Variants in TMC1 observed in about 807,000 individuals in gnomAD.
The protein encoded by TMC1 is transmembrane channel like 1, also known as transmembrane channel-like protein 1.
A neutral mutation model predicts 105.8 loss-of-function variants in TMC1; 84 were observed. That is an observed-to-expected ratio of 0.79 (90% CI 0.67 to 0.95). The LOEUF (loss-of-function observed/expected upper bound fraction) is 0.95. Among genes scored for constraint, TMC1 ranks in the 40% least tolerant of loss-of-function variants. The pLI is 0.00. For missense variants in TMC1, 817 were observed against 914.1 expected (o/e 0.89, Z 1.37); for synonymous variants, 315 against 311.5 (o/e 1.01, Z -0.12).
intron 8 of TMC1, among the ~76,000 whole-genome samples, chr9:72,732,162 T>A (rs1827221637): frequency 6.6e-6 from 1 of 152,210 alleles, no homozygotes; most frequent in Non-Finnish European, 1.5e-5. Flanking sequence ...GCCTAGTCTT[T>A]GATCATTGAT....
chr9:72,644,651 G>T (rs1413377856), intron 4 of TMC1, among the ~76,000 whole-genome samples: 1 of 152,080 alleles, frequency 6.6e-6, no homozygotes, highest in African/African-American at 2.4e-5. Context: ...CCTGATAACT[G>T]TAGTTAATAA....
intron 5 of TMC1, among the ~76,000 whole-genome samples, chr9:72,655,404 C>G (rs545940194): frequency 6.6e-6 from 1 of 152,254 alleles, no homozygotes; most frequent in African/African-American, 2.4e-5. Context: ...GGATTTCACT[C>G]TTCCATAGTT....
chr9:72,826,309 C>A lies in TMC1; in HGVS notation c.2004-560C>A, dbSNP rs376311686. Among the ~76,000 whole-genome samples the A allele has an allele frequency of 4.3e-4, 66 of 152,204 alleles. No homozygotes were observed. The South Asian group carries it at 0.014, about 32-fold the overall frequency. On this transcript the variant is annotated intron_variant, in intron 20 of 23. Transcript: ENST00000297784. ...GGAGCTAAGCTGGTATTCATTAGGGCCTGTCCAGGAGAAGAAACTGAGAGG... is the reference window on the plus strand; with the variant it reads ...GGAGCTAAGCTGGTATTCATTAGGGACTGTCCAGGAGAAGAAACTGAGAGG...
chr9:72,669,399 T>C (rs540753725), intron 5 of TMC1, among the ~76,000 whole-genome samples: 2 of 152,328 alleles, frequency 1.3e-5, no homozygotes, highest in Non-Finnish European at 2.9e-5. Context: ...CATCTAGATA[T>C]GACTGCAAAA....
intron 13 of TMC1, among the ~76,000 whole-genome samples, chr9:72,776,441 A>C (rs908718813): frequency 2.0e-5 from 3 of 152,170 alleles, no homozygotes; most frequent in African/African-American, 7.2e-5. Flanking sequence ...TTTAAATTAC[A>C]TTACTTCTAA....
intron 10 of TMC1, among the ~76,000 whole-genome samples, chr9:72,747,847 G>A (rs1042814360): frequency 2.6e-5 from 4 of 152,154 alleles, no homozygotes; most frequent in African/African-American, 7.2e-5. Flanking sequence ...ACCTGGCTCA[G>A]CCTCCCAAAG....
At chr9:72,698,648 T>TCTTTTA (rs1826591131) in intron 7 of TMC1, among the ~76,000 whole-genome samples, 1 of 152,164 alleles carries the variant, frequency 6.6e-6, no homozygotes, top group Non-Finnish European at 1.5e-5. Context: ...TAAAGTATCA[T>TCTTTTA]AGTGACGGTA....
chr9:72,763,329 A>C (rs1827785219), intron 12 of TMC1, among the ~76,000 whole-genome samples: 1 of 152,110 alleles, frequency 6.6e-6, no homozygotes, highest in Admixed American at 6.6e-5. Context: ...CCAGGCATTA[A>C]GCAAAGATGA....
chr9:72,697,590 A>G (rs969421608), intron 7 of TMC1, among the ~76,000 whole-genome samples: 2 of 152,158 alleles, frequency 1.3e-5, no homozygotes, highest in Admixed American at 6.6e-5. Context: ...AATTGTTTCT[A>G]TTAAAGGGTC....
chr9:72,721,940 G>C (rs1827034444), intron 8 of TMC1, among the ~76,000 whole-genome samples: 1 of 152,068 alleles, frequency 6.6e-6, no homozygotes, highest in African/African-American at 2.4e-5. Context: ...ACAAAATTTA[G>C]TCAATTTTGC....
At chr9:72,770,279 CATATACAT>C (rs1827903816) in intron 12 of TMC1, among the ~76,000 whole-genome samples, 1 of 148,712 alleles carries the variant, frequency 6.7e-6, no homozygotes, top group Non-Finnish European at 1.5e-5. Flanking sequence ...CACATACACA[CATATACAT>C]ATATATATAT....
chr9:72,694,511 A>T (rs1175851593), intron 6 of TMC1, 32 bp from the exon 7 acceptor site: 1 of 1,603,714 alleles, frequency 6.2e-7, no homozygotes, highest in South Asian at 1.1e-5. Flanking sequence ...GCACTTTCTG[A>T]CATTACTCAT....
intron 1 of TMC1, among the ~76,000 whole-genome samples, chr9:72,569,999 T>G (rs934058962): frequency 6.6e-6 from 1 of 151,786 alleles, no homozygotes; most frequent in Non-Finnish European, 1.5e-5. Context: ...GTTATTAAGG[T>G]GGTAGAATTG....
intron 4 of TMC1, among the ~76,000 whole-genome samples, chr9:72,643,305 C>T (rs578089855): frequency 6.6e-6 from 1 of 152,080 alleles, no homozygotes; most frequent in Non-Finnish European, 1.5e-5. Context: ...TGAGATAAAA[C>T]TCATATACAT....
intron 1 of TMC1, among the ~76,000 whole-genome samples, chr9:72,523,712 A>G (rs761655001): frequency 3.2e-4 from 48 of 151,998 alleles, no homozygotes; most frequent in Non-Finnish European, 6.0e-4. Context: ...GGGAGGCAGG[A>G]AAGGCAGGCA....
chr9:72,543,184 C>T (rs971971017), intron 1 of TMC1, among the ~76,000 whole-genome samples: 1 of 152,178 alleles, frequency 6.6e-6, no homozygotes, highest in African/African-American at 2.4e-5. Flanking sequence ...AACTAGTGAC[C>T]TCACCATCCA....
intron 2 of TMC1, among the ~76,000 whole-genome samples, chr9:72,579,342 C>T (rs1186021851): frequency 6.6e-6 from 1 of 152,154 alleles, no homozygotes; most frequent in African/African-American, 2.4e-5. Context: ...CAGGACTCTG[C>T]CTTGGAAATC....
At chr9:72,805,224 A>G (rs1386178354) in intron 17 of TMC1, 158 bp from the exon 18 acceptor site, 2 of 592,636 alleles carry the variant, frequency 3.4e-6, no homozygotes, top group Non-Finnish European at 5.7e-6. Flanking sequence ...AGGGTGAAAT[A>G]TTTTTTATTT....
chr9:72,742,402 C>T lies in TMC1; in HGVS notation c.454-42C>T, dbSNP rs899519982. On this transcript the variant is annotated intron_variant, in intron 9 of 23. Transcript: ENST00000297784. ...GTGGGGGATAAACATCTTGACAAAT[C>T]AAGAGGTTGGACTTTACTTTTGTAT... 2.0e-6 allele frequency: 3 copies of T among 1,498,562 alleles called. No individual in the cohort carries two copies. In the African/African-American group the frequency reaches 4.1e-5, roughly 21 times the overall value. The allele number at this position is 1,498,562 out of a possible 1,614,324, so 92.8% of individuals were successfully genotyped here.
Sources: gnomAD v4.1 joint callset for allele counts (sites outside exome capture counted in the v4.1 genomes callset) on GRCh38, gnomAD v4.1.1 for gene constraint, MANE v1.5 for transcripts, NCBI Gene and HGNC (gene_info 2026-07-23, HGNC 2026-07-21) for gene names.